Variants in ZBTB20 observed in about 807,000 individuals in gnomAD.
ZBTB20 encodes the protein zinc finger and BTB domain containing 20.
A neutral mutation model predicts 56.9 loss-of-function variants in ZBTB20; 9 were observed. The observed-to-expected ratio is 0.16, with a 90% confidence interval of 0.10 to 0.28. The LOEUF is 0.28. Among genes scored for constraint, ZBTB20 ranks in the 10% least tolerant of loss-of-function variants. ZBTB20 has a pLI of 1.00. For synonymous variants in ZBTB20, 417 were observed against 420.7 expected, an observed-to-expected ratio of 0.99 and a Z score of 0.11; for missense variants, 655 against 1,003.0, an observed-to-expected ratio of 0.65 and a Z score of 4.69.
At chr3:114,901,090 C>T (rs1378627321) in intron 3 of ZBTB20, among the ~76,000 whole-genome samples, 1 of 152,050 alleles carries the variant, frequency 6.6e-6, no homozygotes, top group Non-Finnish European at 1.5e-5. Context: ...AGCCTGGGAA[C>T]TACTGGTACT....
rs2043804670 is a variant in ZBTB20, at chr3:114,500,344, T to C, written c.-255+8A>G. The C allele has an allele frequency of 6.6e-6, 1 of 151,932 alleles. No homozygotes were observed. The highest frequency in any genetic ancestry group is 2.1e-4 in the South Asian group (1 of 4,826). The allele number at this position is 151,932 out of a possible 1,614,324, so 9.4% of individuals were successfully genotyped here. On this transcript the variant is annotated splice_region_variant and intron_variant, in intron 7 of 11. Transcript: ENST00000675478. ...TTTTTTAAAGGTAAAGAAATCACTT[T>C]TACTTACGTAAAGAGAAGGGGCAGG... is the stretch of plus-strand genomic sequence containing the variant.
chr3:114,611,364 A>C (rs931093198), intron 6 of ZBTB20, among the ~76,000 whole-genome samples: 8 of 152,192 alleles, frequency 5.3e-5, no homozygotes, highest in Admixed American at 4.6e-4. Context: ...GCATATCAGA[A>C]ACTCACAAAC....
At chr3:114,539,362 C>T (rs1298505647) in intron 6 of ZBTB20, among the ~76,000 whole-genome samples, 1 of 152,070 alleles carries the variant, frequency 6.6e-6, no homozygotes, top group Non-Finnish European at 1.5e-5. Flanking sequence ...TGTTGATTCT[C>T]CACTATTTTT....
intron 5 of ZBTB20, among the ~76,000 whole-genome samples, chr3:114,747,442 C>G (rs977663549): frequency 6.6e-6 from 1 of 152,042 alleles, no homozygotes; most frequent in African/African-American, 2.4e-5. Flanking sequence ...TGGTACACAC[C>G]TGTAATCCCA....
chr3:114,425,617 A>G (rs1254210838), intron 7 of ZBTB20, among the ~76,000 whole-genome samples: 1 of 152,156 alleles, frequency 6.6e-6, no homozygotes, highest in African/African-American at 2.4e-5. Context: ...CTGTCCCTCA[A>G]AGAACTATCT....
chr3:114,632,931 A>G (rs1373592898), intron 6 of ZBTB20, among the ~76,000 whole-genome samples: 1 of 152,200 alleles, frequency 6.6e-6, no homozygotes, highest in African/African-American at 2.4e-5. Context: ...CACCTGTTTA[A>G]ACATTCAACT....
intron 1 of ZBTB20, among the ~76,000 whole-genome samples, chr3:115,122,879 A>C (rs918741562): frequency 2.6e-5 from 4 of 152,086 alleles, no homozygotes; most frequent in African/African-American, 9.7e-5. Context: ...CACTCCTCCA[A>C]GTTCTGCCTT....
chr3:114,955,565 T>C lies in ZBTB20; in HGVS notation c.-456+18801A>G, dbSNP rs139592491. 4.5e-3 allele frequency among the ~76,000 whole-genome samples: 689 copies of C among 152,262 alleles called. 4 individuals are homozygous for C. Among genetic ancestry groups the C allele is most frequent in the South Asian group, 0.011 (55 of 4,828 alleles). On this transcript the variant is annotated intron_variant, in intron 3 of 11. Coordinates refer to ENST00000675478, the MANE Select transcript of ZBTB20 (RefSeq NM_001348800.3). ...CCAACTGAAGTGGGCCAAGTTCTCA[T>C]CATCTTAGCTCTAGTACTCAACCTT...
Position 114,896,808 on chromosome 3 carries a change from T to C in ZBTB20, c.-417+3496A>G, listed in dbSNP as rs892048192. On this transcript the variant is annotated intron_variant, in intron 4 of 11. Coordinates refer to ENST00000675478, the MANE Select transcript of ZBTB20 (RefSeq NM_001348800.3). ...CCCAAATACAAAAATTTGGGGAAAA[T>C]AATAAAAATATCACATGAAGGTCTT... 5.3e-5 allele frequency among the ~76,000 whole-genome samples: 8 copies of C among 152,100 alleles called. No individual in the cohort carries two copies. The East Asian group carries it at 1.5e-3, about 29-fold the overall frequency.
intron 2 of ZBTB20, among the ~76,000 whole-genome samples, chr3:115,037,282 G>T (rs550542488): frequency 1.3e-5 from 2 of 152,092 alleles, no homozygotes; most frequent in East Asian, 1.9e-4. Flanking sequence ...AAATTTTTGG[G>T]GGGGGCGGAG....
At chr3:114,611,918 A>G (rs1242204794) in intron 6 of ZBTB20, among the ~76,000 whole-genome samples, 1 of 152,140 alleles carries the variant, frequency 6.6e-6, no homozygotes, top group African/African-American at 2.4e-5. Flanking sequence ...TAACTGTCTG[A>G]TAGCTATTGT....
chr3:114,715,844 G>A (rs1414127269), intron 5 of ZBTB20, among the ~76,000 whole-genome samples: 1 of 152,138 alleles, frequency 6.6e-6, no homozygotes, highest in African/African-American at 2.4e-5. Flanking sequence ...TGAAACAAAT[G>A]CTAAACAAAG....
intron 2 of ZBTB20, among the ~76,000 whole-genome samples, chr3:115,052,259 C>CA (rs1337387122): frequency 6.6e-6 from 1 of 151,916 alleles, no homozygotes; most frequent in Non-Finnish European, 1.5e-5. Flanking sequence ...GAGATCCAGA[C>CA]AATCCTGGAC....
At chr3:114,710,505 C>T (rs1473781232) in intron 5 of ZBTB20, among the ~76,000 whole-genome samples, 1 of 152,156 alleles carries the variant, frequency 6.6e-6, no homozygotes, top group Non-Finnish European at 1.5e-5. Flanking sequence ...TTCTCCATAT[C>T]CCCTATAGCT....
At chr3:114,355,118 G>T (rs2081103283) in intron 10 of ZBTB20, among the ~76,000 whole-genome samples, 1 of 152,102 alleles carries the variant, frequency 6.6e-6, no homozygotes, top group Admixed American at 6.5e-5. Context: ...GACACTGAAA[G>T]TAATGATGAA....
intron 7 of ZBTB20, among the ~76,000 whole-genome samples, chr3:114,407,991 G>A (rs2087506464): frequency 6.6e-6 from 1 of 152,124 alleles, no homozygotes; most frequent in Non-Finnish European, 1.5e-5. Flanking sequence ...TTTGAAGTTA[G>A]TGCTGAAGAA....
intron 2 of ZBTB20, among the ~76,000 whole-genome samples, chr3:114,982,026 C>A (rs149279810): frequency 5.3e-5 from 8 of 151,954 alleles, no homozygotes; most frequent in Non-Finnish European, 8.8e-5. Context: ...CAGTTTTATA[C>A]CATAGTAAAT....
chr3:115,036,417 A>G (rs2080924381), intron 2 of ZBTB20, among the ~76,000 whole-genome samples: 2 of 151,476 alleles, frequency 1.3e-5, no homozygotes, highest in Admixed American at 1.3e-4. Flanking sequence ...CTCCTGCATC[A>G]GCCTCCCGAC....
At chr3:114,992,691 C>T (rs1158742588) in intron 2 of ZBTB20, among the ~76,000 whole-genome samples, 1 of 151,792 alleles carries the variant, frequency 6.6e-6, no homozygotes, top group Admixed American at 6.6e-5. Flanking sequence ...TAATGGATGT[C>T]CCCTCACGCA....
Sources: allele counts gnomAD v4.1 joint callset (sites outside exome capture counted in the v4.1 genomes callset), GRCh38; gene constraint gnomAD v4.1.1; transcripts MANE v1.5; gene names NCBI Gene and HGNC (gene_info 2026-07-23, HGNC 2026-07-21).